CUZD1: variants seen among roughly 807,000 people sequenced by gnomAD.
CUZD1 encodes the protein CUB and zona pellucida-like domain-containing protein 1.
In CUZD1, 42 loss-of-function variants were observed where a neutral mutation model predicts 53.1. The ratio of observed to expected loss-of-function variants is 0.79; its 90% confidence interval spans 0.62 to 1.02. The LOEUF (loss-of-function observed/expected upper bound fraction) is 1.02. Ranked by LOEUF, CUZD1 falls within the 50% of genes least tolerant of loss-of-function variation. The pLI, the probability that CUZD1 is intolerant of heterozygous loss-of-function variation, is 0.00. For synonymous variants in CUZD1, 238 were observed against 257.2 expected (o/e 0.93, Z 0.71); for missense variants, 670 against 715.7 (o/e 0.94, Z 0.73).
rs112143227 is a variant in CUZD1, at chr10:122,844,021, A to AAT, written c.82+1739_82+1740dup. ...TATATATATAGAGAGACTATATATA[A>AAT]ATATATATATATATAGAGAGAGGGA... On this transcript the variant is annotated intron_variant, in intron 1 of 8. Coordinates refer to ENST00000392790, the MANE Select transcript of CUZD1 (RefSeq NM_022034.6). Among the ~76,000 whole-genome samples, 483 of 147,280 alleles carry AAT rather than the reference A, an allele frequency of 3.3e-3. 1 individual carries two copies. The highest frequency in any genetic ancestry group is 0.011 in the African/African-American group (437 of 40,284).
At chr10:122,838,924 A>C (rs1591711436) in intron 3 of CUZD1, 93 bp downstream of exon 3, 12 of 913,472 alleles carry the variant, frequency 1.3e-5, no homozygotes, top group Non-Finnish European at 1.8e-5. Context: ...GAGGGAATAT[A>C]CTCAGACTGA....
At position 122,836,832 on chromosome 10, in the gene CUZD1, A is replaced by G; in HGVS notation, c.816T>C (p.Thr272=). Residue 272 remains threonine, a splice_region_variant and synonymous_variant, in exon 5 of 9, where the codon ACT becomes ACC. Coordinates refer to ENST00000392790, the MANE Select transcript of CUZD1 (RefSeq NM_022034.6). ...YTSIYAENIN[T]TSLTCSSDRM... ...CTAAGAATATAAAACATGACTTACT[A>G]GTGTTGATGTTTTCTGCATAAATTG... 1 of 1,603,882 alleles carries G rather than the reference A, an allele frequency of 6.2e-7. No individual in the cohort carries two copies.
chr10:122,833,592 A>T, intron 8 of CUZD1, 80 bp downstream of exon 8: 1 of 1,416,210 alleles, frequency 7.1e-7, no homozygotes. Flanking sequence ...TAAACTGTAC[A>T]TGCTTAAGAG....
chr10:122,836,346 A>G lies in CUZD1; in HGVS notation c.822T>C (p.Ser274=), dbSNP rs1277068481. The G allele has an allele frequency of 3.3e-6, 5 of 1,503,400 alleles. No individual in the cohort carries two copies. The highest frequency in any genetic ancestry group is 2.6e-6 in the Non-Finnish European group (3 of 1,141,220). The allele number at this position is 1,503,400 out of a possible 1,614,324, so 93.1% of individuals were successfully genotyped here. Reference sequence around the variant, plus strand: ...TCATCCTGTCAGAAGAGCAAGTTAAAGATGCTGTCAGGAAAAAAAAAAAAA... The same window carrying G: ...TCATCCTGTCAGAAGAGCAAGTTAAGGATGCTGTCAGGAAAAAAAAAAAAA... ...SIYAENINTT[S]LTCSSDRMRV... is the part of the protein sequence containing the mutation. Residue 274 remains serine, a synonymous_variant, in exon 6 of 9, where the codon TCT becomes TCC. Transcript: ENST00000392790.
In CUZD1 at chr10:122,835,091, C is replaced by A; in HGVS notation, c.997G>T (p.Asp333Tyr). The A allele has an allele frequency of 6.4e-7, 1 of 1,557,342 alleles. No individual in the cohort carries two copies. The highest frequency in any genetic ancestry group is 1.2e-5 in the South Asian group (1 of 81,332). Residue 333 changes from aspartate to tyrosine, a missense_variant, in exon 7 of 9, where the codon GAT becomes TAT. Transcript: ENST00000392790. The part of the protein sequence containing the change: ...NGCGTIRKVE[D>Y]QSITYTNIIT... Reference sequence around the variant, plus strand: ...ATATTGGTGTAAGTAATTGACTGATCTTCTACCTGCAGAACGAGATAGAAT... The same window carrying A: ...ATATTGGTGTAAGTAATTGACTGATATTCTACCTGCAGAACGAGATAGAAT...
At position 122,837,484 on chromosome 10, in the gene CUZD1, C is replaced by T. The variant is rs765858935; in HGVS notation, c.519G>A (p.Pro173=). 12 of 1,611,694 alleles carry T rather than the reference C, an allele frequency of 7.4e-6. No individual in the cohort carries two copies. Among genetic ancestry groups the T allele is most frequent in the Admixed American group, 3.4e-5 (2 of 59,606 alleles). ...ACACACAATAAGCCAGCTCAGGATGCGGCTTTGGGTAATTGGGGCTGGTGA... is the reference window on the plus strand; with the variant it reads ...ACACACAATAAGCCAGCTCAGGATGTGGCTTTGGGTAATTGGGGCTGGTGA... ...GSFTSPNYPK[P]HPELAYCVWH... is the part of the protein sequence containing the mutation. Residue 173 remains proline, a synonymous_variant, in exon 4 of 9, where the codon CCG becomes CCA. Transcript: ENST00000392790.
intron 7 of CUZD1, 147 bp from the exon 8 acceptor site, chr10:122,834,087 T>C: frequency 1.5e-6 from 1 of 649,682 alleles, no homozygotes; most frequent in South Asian, 2.2e-5. Context: ...GTTAAGACTA[T>C]AGACCTGATT....
intron 2 of CUZD1, among the ~76,000 whole-genome samples, chr10:122,840,477 T>G (rs1847323187): frequency 6.6e-6 from 1 of 152,156 alleles, no homozygotes; most frequent in African/African-American, 2.4e-5. Context: ...TTTTATTATT[T>G]TTTAGTCTTG....
intron 1 of CUZD1, among the ~76,000 whole-genome samples, chr10:122,845,382 T>C (rs1052465160): frequency 6.6e-6 from 1 of 152,216 alleles, no homozygotes; most frequent in African/African-American, 2.4e-5. Context: ...GCCATCATTT[T>C]TTTTTAAGTT....
intron 8 of CUZD1, 75 bp from the exon 9 acceptor site, chr10:122,832,525 A>G (rs1481256435): frequency 7.9e-7 from 1 of 1,266,680 alleles, no homozygotes; most frequent in Non-Finnish European, 1.1e-6. Flanking sequence ...CTTTTATAAT[A>G]CCTGTACATA....
rs1411285703 is a variant in CUZD1 at position 122,841,236 on chromosome 10, T to A, written c.175A>T (p.Thr59Ser). 9 of 1,614,000 alleles carry A rather than the reference T, an allele frequency of 5.6e-6. No individual in the cohort carries two copies. The highest frequency in any genetic ancestry group is 1.3e-5 in the African/African-American group (1 of 74,924). Residue 59 changes from threonine (T) to serine (S), a missense_variant, in exon 2 of 9, where the codon ACC becomes TCC. Coordinates refer to ENST00000392790, the MANE Select transcript of CUZD1 (RefSeq NM_022034.6). ...TTTTCTGGTCTTTCTATTGTCCAGG[T>A]GCAGTTCTCACTGGGATTGAGTTGC... ...ILQLNPSENC[T>S]WTIERPENKS... is the part of the protein sequence containing the mutation.
intron 4 of CUZD1, 22 bp downstream of exon 4, chr10:122,837,382 A>G: frequency 6.2e-7 from 1 of 1,613,616 alleles, no homozygotes; most frequent in South Asian, 1.1e-5. Flanking sequence ...TTGTTCCAAC[A>G]GAATTGGGCA....
intron 3 of CUZD1, 66 bp downstream of exon 3, chr10:122,838,951 G>C (rs1847293893): frequency 8.1e-7 from 1 of 1,234,304 alleles, no homozygotes; most frequent in African/African-American, 1.5e-5. Context: ...TAAGAACCCG[G>C]ACAGAAGAGT....
At chr10:122,835,210 A>G (rs1847230263) in intron 6 of CUZD1, 113 bp from the exon 7 acceptor site, 1 of 728,768 alleles carries the variant, frequency 1.4e-6, no homozygotes, top group African/African-American at 1.8e-5. Flanking sequence ...TCACGAGGTA[A>G]CAGCTTTCAT....
At chr10:122,840,569 A>G (rs961614762) in intron 2 of CUZD1, among the ~76,000 whole-genome samples, 2 of 152,152 alleles carry the variant, frequency 1.3e-5, no homozygotes, top group African/African-American at 4.8e-5. Flanking sequence ...GAGAGGATTA[A>G]CTAGAGGCAG....
intron 5 of CUZD1, among the ~76,000 whole-genome samples, chr10:122,836,560 A>G (rs771161556): frequency 2.6e-5 from 4 of 152,198 alleles, no homozygotes. Context: ...TGCAAACCTG[A>G]TGTTTTTAAT....
At chr10:122,834,032 C>A in intron 7 of CUZD1, 92 bp from the exon 8 acceptor site, 1 of 1,109,164 alleles carries the variant, frequency 9.0e-7, no homozygotes, top group Non-Finnish European at 1.3e-6. Flanking sequence ...GTTGTGAATC[C>A]AAAAATCTCT....
intron 3 of CUZD1, 185 bp from the exon 4 acceptor site, chr10:122,837,739 C>A: frequency 1.9e-6 from 1 of 526,264 alleles, no homozygotes; most frequent in Non-Finnish European, 3.2e-6. Context: ...TGGTGCAGGG[C>A]AGAGAGGGAA....
chr10:122,841,040 CCAT>C, intron 2 of CUZD1, 135 bp downstream of exon 2: 2 of 800,748 alleles, frequency 2.5e-6, no homozygotes, highest in Admixed American at 2.7e-5. Flanking sequence ...ATCCTCATCA[CCAT>C]CATCATCACG....
Sources: gnomAD v4.1 joint callset for allele counts (sites outside exome capture counted in the v4.1 genomes callset) on GRCh38, gnomAD v4.1.1 for gene constraint, MANE v1.5 for transcripts, NCBI Gene and HGNC (gene_info 2026-07-23, HGNC 2026-07-21) for gene names.